The following CCDC43 variants were observed in gnomAD, a reference collection of about 807,000 sequenced individuals.
CCDC43 encodes coiled-coil domain-containing protein 43.
A neutral mutation model predicts 33.3 loss-of-function variants in CCDC43; 20 were observed. That is an observed-to-expected ratio of 0.60 (90% confidence interval 0.42 to 0.87). The LOEUF (loss-of-function observed/expected upper bound fraction) is 0.87. Ranked by LOEUF, CCDC43 falls within the 40% of genes least tolerant of loss-of-function variation. CCDC43 has a pLI of 0.00. For synonymous variants in CCDC43, 104 were observed against 106.5 expected (o/e 0.98, Z 0.14); for missense variants, 248 against 269.9 (o/e 0.92, Z 0.57).
At chr17:44,683,328 G>C (rs1972189487) in intron 2 of CCDC43, among the ~76,000 whole-genome samples, 1 of 152,036 alleles carries the variant, frequency 6.6e-6, no homozygotes, top group Non-Finnish European at 1.5e-5. Context: ...AGGAGTTCGA[G>C]ACCAGCCTGG....
intron 1 of CCDC43, among the ~76,000 whole-genome samples, chr17:44,687,304 A>C (rs550110020): frequency 1.3e-5 from 2 of 152,066 alleles, no homozygotes; most frequent in Non-Finnish European, 2.9e-5. Flanking sequence ...TTAGCCAGGC[A>C]TGGTGGCATA....
At chr17:44,683,751 T>C (rs916997454) in intron 2 of CCDC43, 121 bp downstream of exon 2, 1 of 681,112 alleles carries the variant, frequency 1.5e-6, no homozygotes, top group Non-Finnish European at 2.6e-6. Context: ...TTTGCCAGTG[T>C]ACACTATCTT....
Position 44,689,723 on chromosome 17 carries a change from C to A in CCDC43, c.31G>T (p.Ala11Ser), listed in dbSNP as rs769693933. 1.2e-5 allele frequency: 19 copies of A among 1,584,436 alleles called. No homozygotes were observed. The highest frequency in any genetic ancestry group is 1.7e-4 in the Middle Eastern group (1 of 6,002). The change falls in exon 1 of 5, where the codon GCC becomes TCC. Residue 11 changes from alanine (A) to serine (S), a missense_variant. Physicochemically the swap from Ala to Ser is moderately conservative, Grantham distance 99. Coordinates refer to ENST00000315286, the MANE Select transcript of CCDC43 (RefSeq NM_144609.3). Reference sequence around the variant, plus strand: ...CCTCCGCCATCGCCTTCGCCAGGGGCTATCGCGGCCACTTCGCTGGGCGCC... The same window carrying A: ...CCTCCGCCATCGCCTTCGCCAGGGGATATCGCGGCCACTTCGCTGGGCGCC... MAAPSEVAAI[A>S]PGEGDGGGGG...
At chr17:44,682,286 C>A (rs1490047153) in intron 2 of CCDC43, 148 bp from the exon 3 acceptor site, 8 of 901,008 alleles carry the variant, frequency 8.9e-6, no homozygotes, top group African/African-American at 1.7e-5. Context: ...GGCTCGGGGG[C>A]CATTGAGAAA....
intron 1 of CCDC43, 132 bp downstream of exon 1, chr17:44,689,418 T>C (rs1009541113): frequency 7.5e-7 from 1 of 1,338,802 alleles, no homozygotes; most frequent in African/African-American, 1.5e-5. Context: ...CGCCCAGATA[T>C]CAGAGGAGTA....
chr17:44,683,940 T>C lies in CCDC43; in HGVS notation c.224A>G (p.Asn75Ser), dbSNP rs764975172. 4 of 1,611,526 alleles carry C rather than the reference T, an allele frequency of 2.5e-6. No individual in the cohort carries two copies. The highest frequency in any genetic ancestry group is 3.4e-6 in the Non-Finnish European group (4 of 1,177,726). The change falls in exon 2 of 5, where the codon AAT becomes AGT. Residue 75 changes from asparagine to serine, a missense_variant. By Grantham distance (46) the Asn-to-Ser change is conservative. Coordinates refer to ENST00000315286, the MANE Select transcript of CCDC43 (RefSeq NM_144609.3). ...TCGTTCCACAATCTCCTTGCAGATA[T>C]TAAGGAGGGAATCTTCTTCCTAGTT... ...SAFLEEDSLL[N>S]ICKEIVERWS...
At chr17:44,683,408 A>G (rs984929371) in intron 2 of CCDC43, among the ~76,000 whole-genome samples, 6 of 152,126 alleles carry the variant, frequency 3.9e-5, no homozygotes, top group Non-Finnish European at 8.8e-5. Flanking sequence ...ATGAGCCTGT[A>G]GTCCCAGCTA....
In CCDC43 at chr17:44,680,619, T is replaced by C; in HGVS notation, c.453A>G (p.Ser151=). ...EEDEADEKDD[S]GATTMNIGSD... ...AACCAATGTTCATTGTGGTAGCACCTGAATCATCCTTCTCATCTGCTTCAG... is the reference window on the plus strand; with the variant it reads ...AACCAATGTTCATTGTGGTAGCACCCGAATCATCCTTCTCATCTGCTTCAG... The change falls in exon 4 of 5, where the codon TCA becomes TCG. Residue 151 remains serine (S), a synonymous_variant. Coordinates refer to ENST00000315286, the MANE Select transcript of CCDC43 (RefSeq NM_144609.3). The C allele has an allele frequency of 6.2e-7, 1 of 1,609,240 alleles. No individual in the cohort carries two copies. The highest frequency in any genetic ancestry group is 8.5e-7 in the Non-Finnish European group (1 of 1,175,982).
intron 1 of CCDC43, chr17:44,689,298 A>G (rs1478880953): frequency 1.9e-6 from 1 of 537,334 alleles, no homozygotes; most frequent in African/African-American, 1.9e-5. Context: ...CTCACTCACA[A>G]GCATCGGAGA....
chr17:44,681,936 A>C, intron 3 of CCDC43, 67 bp downstream of exon 3: 10 of 1,594,584 alleles, frequency 6.3e-6, no homozygotes, highest in Non-Finnish European at 8.6e-6. Flanking sequence ...GCCAAAGGTC[A>C]CTGTAAACCC....
At chr17:44,680,446 C>T in intron 4 of CCDC43, 139 bp downstream of exon 4, 4 of 639,242 alleles carry the variant, frequency 6.3e-6, no homozygotes, top group Non-Finnish European at 1.2e-5. Flanking sequence ...CTAGGGCTGT[C>T]CTAGGAATAG....
chr17:44,679,971 T>G (rs1421192838), intron 4 of CCDC43, among the ~76,000 whole-genome samples: 1 of 152,014 alleles, frequency 6.6e-6, no homozygotes, highest in East Asian at 1.9e-4. Context: ...AAGAGAAAAT[T>G]TCAACATTAT....
intron 1 of CCDC43, among the ~76,000 whole-genome samples, chr17:44,686,820 T>C (rs1036731258): frequency 2.0e-5 from 3 of 152,212 alleles, no homozygotes; most frequent in Admixed American, 6.5e-5. Context: ...GGGTAGTGCC[T>C]GGCATACGGT....
At chr17:44,682,334 T>C (rs72826846) in intron 2 of CCDC43, among the ~76,000 whole-genome samples, 196 bp from the exon 3 acceptor site, 130 of 147,284 alleles carry the variant, frequency 8.8e-4, no homozygotes, top group Non-Finnish European at 1.3e-3. Context: ...TTTGTATCCA[T>C]CTTCAATCAG....
intron 1 of CCDC43, 196 bp downstream of exon 1, chr17:44,689,354 C>A (rs1598737026): frequency 5.7e-6 from 4 of 698,142 alleles, no homozygotes; most frequent in African/African-American, 5.4e-5. Flanking sequence ...TCTCTGTGTA[C>A]CTGCAGCTTT....
At chr17:44,686,135 G>A (rs867147234) in intron 1 of CCDC43, among the ~76,000 whole-genome samples, 2 of 152,016 alleles carry the variant, frequency 1.3e-5, no homozygotes, top group African/African-American at 2.4e-5. Flanking sequence ...GGATGGTTTC[G>A]ATCTCCTGAC....
At chr17:44,683,485 C>T (rs1238983437) in intron 2 of CCDC43, among the ~76,000 whole-genome samples, 3 of 151,716 alleles carry the variant, frequency 2.0e-5, no homozygotes, top group Non-Finnish European at 4.4e-5. Flanking sequence ...GCTGAGATTA[C>T]GCCACTGCAC....
intron 1 of CCDC43, 165 bp downstream of exon 1, chr17:44,689,385 G>T: frequency 1.0e-6 from 1 of 982,436 alleles, no homozygotes; most frequent in Non-Finnish European, 1.5e-6. Flanking sequence ...ACACCTGGTT[G>T]GGGAGCAACC....
chr17:44,682,162 C>A, intron 2 of CCDC43, 24 bp from the exon 3 acceptor site: 1 of 1,613,626 alleles, frequency 6.2e-7, no homozygotes, highest in Non-Finnish European at 8.5e-7. Flanking sequence ...GAAGGAAGAA[C>A]AAGGTTGTAT....
Sources: allele counts gnomAD v4.1 joint callset (sites outside exome capture counted in the v4.1 genomes callset), GRCh38; gene constraint gnomAD v4.1.1; transcripts MANE v1.5; gene names NCBI Gene and HGNC (gene_info 2026-07-23, HGNC 2026-07-21).